Variants in MTHFD1L observed in about 807,000 individuals in gnomAD.
MTHFD1L encodes monofunctional C1-tetrahydrofolate synthase, mitochondrial.
In MTHFD1L, 81 loss-of-function variants were observed where a neutral mutation model predicts 119.5. The ratio of observed to expected loss-of-function variants is 0.68; its 90% CI spans 0.57 to 0.82. The LOEUF is 0.82. Among genes scored for constraint, MTHFD1L ranks in the 40% least tolerant of loss-of-function variants. The pLI is 0.00. For synonymous variants in MTHFD1L, 430 were observed against 475.2 expected, an observed-to-expected ratio of 0.90 and a Z score of 1.24; for missense variants, 1,125 against 1,253.4, an observed-to-expected ratio of 0.90 and a Z score of 1.55.
intron 27 of MTHFD1L, among the ~76,000 whole-genome samples, chr6:151,095,387 G>C (rs957043767): frequency 6.6e-6 from 1 of 152,102 alleles, no homozygotes. Flanking sequence ...TCTGCCATTT[G>C]TCATTTTTCT....
intron 26 of MTHFD1L, among the ~76,000 whole-genome samples, chr6:151,069,219 A>G (rs1297346507): frequency 6.6e-6 from 1 of 151,188 alleles, no homozygotes; most frequent in African/African-American, 2.4e-5. Context: ...AAGTGACCAC[A>G]GTCATAAGGC....
intron 26 of MTHFD1L, among the ~76,000 whole-genome samples, chr6:151,073,700 A>C (rs1051915462): frequency 1.5e-4 from 21 of 138,732 alleles, no homozygotes; most frequent in Non-Finnish European, 1.9e-4. Flanking sequence ...AAAAAAAAAA[A>C]CTCTTAATTA....
chr6:151,043,308 A>G (rs944969838), intron 26 of MTHFD1L, among the ~76,000 whole-genome samples: 7 of 111,688 alleles, frequency 6.3e-5, no homozygotes, highest in African/African-American at 2.4e-4. Context: ...TCTGTCGCCC[A>G]GGCTGGAGTG....
In MTHFD1L at chr6:151,075,772, C is replaced by T. The variant is rs200236885; in HGVS notation, c.2848-16695C>T. 5.6e-4 allele frequency among the ~76,000 whole-genome samples: 86 copies of T among 152,256 alleles called. No individual in the cohort carries two copies. In the East Asian group the frequency reaches 8.5e-3, roughly 15 times the overall value. The stretch of plus-strand genomic sequence containing the variant: ...TCATACAAAATATGTTCTCTAACCA[C>T]AGTGGGATTAAATTAGAAATCAACA... On this transcript the variant is annotated intron_variant, in intron 26 of 27. Coordinates refer to ENST00000367321, the MANE Select transcript of MTHFD1L (RefSeq NM_015440.5).
At chr6:150,899,462 A>G (rs1784775337) in intron 7 of MTHFD1L, among the ~76,000 whole-genome samples, 1 of 152,218 alleles carries the variant, frequency 6.6e-6, no homozygotes, top group Non-Finnish European at 1.5e-5. Context: ...TGCAATTGTC[A>G]TCCCCTTATC....
intron 26 of MTHFD1L, among the ~76,000 whole-genome samples, chr6:151,074,419 G>A (rs114638454): frequency 2.4e-4 from 36 of 152,258 alleles, no homozygotes; most frequent in African/African-American, 6.7e-4. Context: ...GTAGTATAGC[G>A]TTAAAAACAT....
At chr6:151,015,739 A>G (rs767287218) in intron 24 of MTHFD1L, 46 bp downstream of exon 24, 35 of 1,591,620 alleles carry the variant, frequency 2.2e-5, no homozygotes, top group Non-Finnish European at 3.0e-5. Context: ...ACACCTTAGC[A>G]TGGGTTGTCC....
intron 16 of MTHFD1L, among the ~76,000 whole-genome samples, chr6:150,955,687 A>G (rs536285744): frequency 6.6e-6 from 1 of 152,044 alleles, no homozygotes; most frequent in South Asian, 2.1e-4. Context: ...TTTAGTAGAG[A>G]TGGGGTTTCA....
At chr6:150,884,077 A>G (rs1781809574) in intron 5 of MTHFD1L, among the ~76,000 whole-genome samples, 1 of 151,840 alleles carries the variant, frequency 6.6e-6, no homozygotes, top group East Asian at 1.9e-4. Context: ...AGGCCAAGGC[A>G]GGAGGATCTC....
Position 151,000,116 on chromosome 6 carries a change from G to A in MTHFD1L, c.2126-9703G>A, listed in dbSNP as rs570355300. Among the ~76,000 whole-genome samples, 12 of 152,286 alleles carry A rather than the reference G, an allele frequency of 7.9e-5. No individual in the cohort carries two copies. In the South Asian group the frequency reaches 2.5e-3, roughly 32 times the overall value. Reference sequence around the variant, plus strand: ...GAATTTTGGGAAGCCGAGGCAGGTGGATCACGAGGTCAAGACATTGAGACC... The same window carrying A: ...GAATTTTGGGAAGCCGAGGCAGGTGAATCACGAGGTCAAGACATTGAGACC... On this transcript the variant is annotated intron_variant, in intron 20 of 27. Coordinates refer to ENST00000367321, the MANE Select transcript of MTHFD1L (RefSeq NM_015440.5).
chr6:150,928,929 C>T (rs749001390), intron 11 of MTHFD1L, among the ~76,000 whole-genome samples: 5 of 152,210 alleles, frequency 3.3e-5, no homozygotes, highest in Non-Finnish European at 4.4e-5. Flanking sequence ...TCATCCTTTG[C>T]TCCACACCTT....
At chr6:150,994,064 T>TAAAAAAAAAAAAAAAAA (rs746589557) in intron 20 of MTHFD1L, among the ~76,000 whole-genome samples, 2 of 74,242 alleles carry the variant, frequency 2.7e-5, no homozygotes, top group Admixed American at 1.6e-4. Context: ...ACAACAACAG[T>TAAAAAAAAAAAAAAAAA]AAAAAAAAAA....
At chr6:150,929,862 C>G (rs1790711991) in intron 11 of MTHFD1L, among the ~76,000 whole-genome samples, 1 of 137,456 alleles carries the variant, frequency 7.3e-6, no homozygotes, top group Non-Finnish European at 1.6e-5. Context: ...AATGGCCTGT[C>G]TCTTTTTTAA....
At chr6:151,018,788 G>A (rs774650631) in intron 24 of MTHFD1L, among the ~76,000 whole-genome samples, 3 of 152,164 alleles carry the variant, frequency 2.0e-5, no homozygotes, top group East Asian at 1.9e-4. Context: ...GGACATCATC[G>A]CTGGCACGCA....
chr6:151,066,867 T>C (rs1791351592), intron 26 of MTHFD1L, among the ~76,000 whole-genome samples: 1 of 152,182 alleles, frequency 6.6e-6, no homozygotes, highest in South Asian at 2.1e-4. Context: ...CTGTCAAGGA[T>C]AAGCTCTCAT....
chr6:150,920,709 G>A (rs80270688), intron 9 of MTHFD1L, among the ~76,000 whole-genome samples: 14,152 of 152,030 alleles, frequency 0.093, 932 homozygotes, highest in African/African-American at 0.19. Flanking sequence ...ATTGGATGAC[G>A]AACCTATTCA....
chr6:151,057,743 G>A (rs1005747411), intron 26 of MTHFD1L, among the ~76,000 whole-genome samples: 3 of 152,036 alleles, frequency 2.0e-5, no homozygotes, highest in Admixed American at 1.3e-4. Context: ...ACATTCCACA[G>A]AACAGTCTTA....
intron 9 of MTHFD1L, among the ~76,000 whole-genome samples, chr6:150,921,543 C>T (rs916381312): frequency 9.2e-5 from 14 of 152,190 alleles, no homozygotes; most frequent in Admixed American, 2.6e-4. Context: ...TGAGCCACCT[C>T]ACCTGGCCTA....
At chr6:150,922,439 C>T (rs1789123268) in intron 10 of MTHFD1L, 137 bp downstream of exon 10, 1 of 527,528 alleles carries the variant, frequency 1.9e-6, no homozygotes, top group African/African-American at 1.9e-5. Context: ...AAATTGCCAC[C>T]CTATTTTCTC....
Sources: allele counts gnomAD v4.1 joint callset (sites outside exome capture counted in the v4.1 genomes callset), GRCh38; gene constraint gnomAD v4.1.1; transcripts MANE v1.5; gene names NCBI Gene and HGNC (gene_info 2026-07-23, HGNC 2026-07-21).